Variants in VEGFA observed in about 807,000 individuals in gnomAD.
VEGFA encodes vascular endothelial growth factor A, long form.
A neutral mutation model predicts 49.7 loss-of-function variants in VEGFA; 20 were observed. The ratio of observed to expected loss-of-function variants is 0.40; its 90% CI spans 0.28 to 0.58. VEGFA has a LOEUF of 0.58. VEGFA is among the 20% of genes least tolerant of loss of function. VEGFA has a pLI of 0.40. For missense variants in VEGFA, 505 were observed against 553.5 expected (o/e 0.91, Z 0.88); for synonymous variants, 219 against 223.4 (o/e 0.98, Z 0.18).
At chr6:43,779,889 C>T (rs1766827769) in intron 5 of VEGFA, 2 of 337,728 alleles carry the variant, frequency 5.9e-6, no homozygotes, top group East Asian at 7.6e-5. Flanking sequence ...AGGCTACAGC[C>T]TGCCCCCCTT....
At chr6:43,778,054 T>C (rs1255265718) in intron 3 of VEGFA, 12 of 426,512 alleles carry the variant, frequency 2.8e-5, no homozygotes, top group Non-Finnish European at 4.8e-5. Context: ...TACCTGGTAA[T>C]GGGGCACATC....
chr6:43,781,578 G>A (rs750973271), intron 6 of VEGFA: 26 of 348,308 alleles, frequency 7.5e-5, no homozygotes, highest in Non-Finnish European at 1.3e-4. Flanking sequence ...CGGGGAGAAG[G>A]TGGCCCCTGA....
chr6:43,771,125 C>A lies in VEGFA; in HGVS notation c.419C>A (p.Ala140Asp). 6.7e-7 allele frequency: 1 copy of A among 1,490,486 alleles called. No individual in the cohort carries two copies. Among genetic ancestry groups the A allele is most frequent in the Non-Finnish European group, 8.9e-7 (1 of 1,125,018 alleles). The allele number at this position is 1,490,486 out of a possible 1,614,324, so 92.3% of individuals were successfully genotyped here. A position where few individuals can be genotyped will look rare whatever the true frequency, so the allele number is the denominator to read the frequency against. ...GCCGCGCGCGCTCCCCAGGCCCTGG[C>A]CCGGGCCTCGGGCCGGGGAGGAAGA... Residue 140 changes from alanine (A) to aspartate (D), a missense_variant, in exon 1 of 8, where the codon GCC becomes GAC. Transcript: ENST00000672860.
intron 2 of VEGFA, chr6:43,776,245 G>A (rs1364640099): frequency 1.3e-5 from 2 of 152,248 alleles, no homozygotes; most frequent in African/African-American, 4.8e-5. Flanking sequence ...ACTGGCCCAA[G>A]GTCATACCAA....
rs1244121076 is a variant in VEGFA, at chr6:43,772,138, C to G, written c.606+826C>G. ...CCGGGGATCCAGAGAACCATCCCTACCCCTTCCTACTGTCTCCAGACCCTA... is the reference window on the plus strand; with the variant it reads ...CCGGGGATCCAGAGAACCATCCCTAGCCCTTCCTACTGTCTCCAGACCCTA... On this transcript the variant is annotated intron_variant, in intron 1 of 7. Coordinates refer to ENST00000672860, the MANE Select transcript of VEGFA (RefSeq NM_003376.6). The G allele has an allele frequency of 3.3e-6, 3 of 914,436 alleles. No homozygotes were observed. In the African/African-American group the frequency reaches 5.4e-5, roughly 16 times the overall value. The allele number at this position is 914,436 out of a possible 1,614,324, so 56.6% of individuals were successfully genotyped here. A position where few individuals can be genotyped will look rare whatever the true frequency, so the allele number is the denominator to read the frequency against.
intron 4 of VEGFA, 61 bp downstream of exon 4, chr6:43,778,597 A>G (rs1766252194): frequency 6.5e-7 from 1 of 1,536,846 alleles, no homozygotes; most frequent in Non-Finnish European, 9.0e-7. Context: ...GATCTGTGCC[A>G]GGGTTAAGCA....
Position 43,771,116 on chromosome 6 carries a change from A to C in VEGFA, c.410A>C (p.Gln137Pro). The stretch of plus-strand genomic sequence containing the variant: ...AGTGCTCCAGCCGCGCGCGCTCCCC[A>C]GGCCCTGGCCCGGGCCTCGGGCCGG... Residue 137 changes from glutamine to proline, a missense_variant, in exon 1 of 8, where the codon CAG becomes CCG. Transcript: ENST00000672860. 4.7e-6 allele frequency: 7 copies of C among 1,477,572 alleles called. No individual in the cohort carries two copies. In the South Asian group the frequency reaches 8.2e-5, roughly 17 times the overall value. The allele number at this position is 1,477,572 out of a possible 1,614,324, so 91.5% of individuals were successfully genotyped here. A position where few individuals can be genotyped will look rare whatever the true frequency, so the allele number is the denominator to read the frequency against.
Position 43,778,954 on chromosome 6 carries a change from A to G in VEGFA, c.962+36A>G, listed in dbSNP as rs371828893. The G allele has an allele frequency of 1.3e-5, 21 of 1,613,318 alleles. No homozygotes were observed. The East Asian group carries it at 3.6e-4, about 27-fold the overall frequency. On this transcript the variant is annotated intron_variant, in intron 5 of 7. Coordinates refer to ENST00000672860, the MANE Select transcript of VEGFA (RefSeq NM_003376.6). Reference sequence around the variant, plus strand: ...CTGACTTTAGCACTTCTCCCTCTCCATGGCCGGTTGTCTTGGTTTGGGGCT... The same window carrying G: ...CTGACTTTAGCACTTCTCCCTCTCCGTGGCCGGTTGTCTTGGTTTGGGGCT...
chr6:43,772,623 C>CT (rs1471082026), intron 1 of VEGFA, among the ~76,000 whole-genome samples: 2 of 152,206 alleles, frequency 1.3e-5, no homozygotes, highest in Non-Finnish European at 2.9e-5. Flanking sequence ...AAAGGCAGCC[C>CT]TGGAGCAGGT....
rs775464274 is a variant in VEGFA, at chr6:43,780,767, G to A, written c.998G>A (p.Arg333Gln). The stretch of plus-strand genomic sequence containing the variant: ...CGAGGAAAGGGAAAGGGGCAAAAAC[G>A]AAAGCGCAAGAAATCCCGGTATAAG... The change falls in exon 6 of 8, where the codon CGA becomes CAA. Residue 333 changes from arginine (R) to glutamine (Q), a missense_variant. By Grantham distance (43) the Arg-to-Gln change is conservative (BLOSUM62 1). This residue lies in a region of VEGFA where 165 missense variants were observed against 231.7 expected (regional missense o/e 0.71). Coordinates refer to ENST00000672860, the MANE Select transcript of VEGFA (RefSeq NM_003376.6). 1.3e-5 allele frequency: 21 copies of A among 1,612,126 alleles called. No individual in the cohort carries two copies. The East Asian group carries it at 1.6e-4, about 12-fold the overall frequency.
rs1274302722 is a variant in VEGFA, at chr6:43,782,042, C to T, written c.1121C>T (p.Ser374Leu). 4.3e-6 allele frequency: 7 copies of T among 1,613,992 alleles called. No individual in the cohort carries two copies. The highest frequency in any genetic ancestry group is 4.5e-5 in the East Asian group (2 of 44,896). Residue 374 changes from serine to leucine, a missense_variant, in exon 7 of 8, where the codon TCG (serine) becomes TTG (leucine). Physicochemically the swap from Ser to Leu is moderately radical, Grantham distance 145. Around this residue, in one of 2 missense-constraint regions of VEGFA, gnomAD observed 165 missense variants for 231.7 expected, o/e 0.71. Coordinates refer to ENST00000672860, the MANE Select transcript of VEGFA (RefSeq NM_003376.6). ...AAATGTTCCTGCAAAAACACAGACT[C>T]GCGTTGCAAGGCGAGGCAGCTTGAG...
rs1249298954 is a variant in VEGFA at position 43,771,042 on chromosome 6, C to A, written c.336C>A (p.Gly112=). 2.0e-6 allele frequency: 3 copies of A among 1,521,080 alleles called. No individual in the cohort carries two copies. The highest frequency in any genetic ancestry group is 1.8e-6 in the Non-Finnish European group (2 of 1,134,208). The allele number at this position is 1,521,080 out of a possible 1,614,324, so 94.2% of individuals were successfully genotyped here. ...AGAGGGGGCCGCAGTGGCGACTCGG[C>A]GCTCGGAAGCCGGGCTCATGGACGG... The change falls in exon 1 of 8, where the codon GGC becomes GGA. Residue 112 remains glycine (G), a synonymous_variant. Coordinates refer to ENST00000672860, the MANE Select transcript of VEGFA (RefSeq NM_003376.6).
Position 43,771,140 on chromosome 6 carries a change from G to A in VEGFA, c.434G>A (p.Arg145Gln). 6.6e-7 allele frequency: 1 copy of A among 1,520,396 alleles called. No individual in the cohort carries two copies. Among genetic ancestry groups the A allele is most frequent in the Non-Finnish European group, 8.8e-7 (1 of 1,137,974 alleles). The allele number at this position is 1,520,396 out of a possible 1,614,324, so 94.2% of individuals were successfully genotyped here. Residue 145 changes from arginine to glutamine, a missense_variant, in exon 1 of 8, where the codon CGG (arginine) becomes CAG (glutamine). Physicochemically the swap from Arg to Gln is conservative, Grantham distance 43 (BLOSUM62 1). Around this residue, in one of 2 missense-constraint regions of VEGFA, gnomAD observed 340 missense variants for 321.8 expected, o/e 1.06. Coordinates refer to ENST00000672860, the MANE Select transcript of VEGFA (RefSeq NM_003376.6). ...CAGGCCCTGGCCCGGGCCTCGGGCC[G>A]GGGAGGAAGAGTAGCTCGCCGAGGC...
At position 43,770,797 on chromosome 6, in the gene VEGFA, G is replaced by A. The variant is rs1218363085; in HGVS notation, c.91G>A (p.Gly31Arg). 2 of 1,489,148 alleles carry A rather than the reference G, an allele frequency of 1.3e-6. No homozygotes were observed. Among genetic ancestry groups the A allele is most frequent in the Admixed American group, 2.5e-5 (1 of 40,074 alleles). 92.2% of individuals were successfully genotyped at this position (1,489,148 alleles called of 1,614,324 possible). The change falls in exon 1 of 8, where the codon GGG (glycine) becomes AGG (arginine). Residue 31 changes from glycine to arginine, a missense_variant. Gly to Arg is a moderately radical substitution (Grantham distance 125). Transcript: ENST00000672860. ...GACAGTGGACGCGGCGGCGAGCCGC[G>A]GGCAGGGGCCGGAGCCCGCGCCCGG...
chr6:43,782,534 A>G (rs1768188006), intron 7 of VEGFA: 1 of 287,240 alleles, frequency 3.5e-6, no homozygotes, highest in Non-Finnish European at 6.8e-6. Context: ...GGCCCTTTGA[A>G]GTCTGCATGG....
intron 3 of VEGFA, 191 bp from the exon 4 acceptor site, chr6:43,778,269 C>T (rs1766125244): frequency 1.5e-6 from 1 of 661,488 alleles, no homozygotes; most frequent in Non-Finnish European, 2.8e-6. Flanking sequence ...TCCTTGAGGC[C>T]AGCAGGGTTG....
chr6:43,780,846 T>A, intron 6 of VEGFA, 43 bp downstream of exon 6: 11 of 1,613,536 alleles, frequency 6.8e-6, no homozygotes, highest in Non-Finnish European at 9.3e-6. Context: ...GGAGCCTCCC[T>A]GGCCCCCAGT....
In VEGFA at chr6:43,777,778, C is replaced by A; in HGVS notation, c.855+113C>A. On this transcript the variant is annotated intron_variant, in intron 3 of 7. Transcript: ENST00000672860. The surrounding 1 kb of genome is among the most constrained non-coding windows in gnomAD (Gnocchi z 4.3). Reference sequence around the variant, plus strand: ...AGATTTGCCTTGTCTGGCTCCTGCCCCTGAGTTGCACAGGGGAGGTATGGT... The same window carrying A: ...AGATTTGCCTTGTCTGGCTCCTGCCACTGAGTTGCACAGGGGAGGTATGGT... The A allele has an allele frequency of 8.4e-7, 1 of 1,188,254 alleles. No individual in the cohort carries two copies. Among genetic ancestry groups the A allele is most frequent in the Non-Finnish European group, 1.2e-6 (1 of 844,918 alleles). 73.6% of individuals were successfully genotyped at this position (1,188,254 alleles called of 1,614,324 possible).
chr6:43,777,960 C>T lies in VEGFA; in HGVS notation c.855+295C>T, dbSNP rs1039863929. 18 of 499,964 alleles carry T rather than the reference C, an allele frequency of 3.6e-5. No homozygotes were observed. The highest frequency in any genetic ancestry group is 2.3e-4 in the African/African-American group (12 of 51,962). The allele number at this position is 499,964 out of a possible 1,614,324, so 31.0% of individuals were successfully genotyped here. ...CCTCTCTCCCTCTCTTGGAGAGAGT[C>T]CTGAGTGCCCCCCCTTCTTGGGGGC... On this transcript the variant is annotated intron_variant, in intron 3 of 7. Transcript: ENST00000672860. This position sits in a 1 kb window ranked among gnomAD's most constrained non-coding sequence, Gnocchi z 4.3.
Sources: allele counts gnomAD v4.1 joint callset (sites outside exome capture counted in the v4.1 genomes callset), GRCh38; gene constraint gnomAD v4.1.1; regional missense constraint gnomAD v4.1.1; non-coding constraint Gnocchi (gnomAD v3.1); transcripts MANE v1.5; gene names NCBI Gene and HGNC (gene_info 2026-07-23, HGNC 2026-07-21).